SIRPB1: variants seen among roughly 807,000 people sequenced by gnomAD.
SIRPB1 encodes the protein signal-regulatory protein beta-1.
In SIRPB1, 28 loss-of-function variants were observed where a neutral mutation model predicts 34.1. That is an observed-to-expected ratio of 0.82 (90% CI 0.61 to 1.12). SIRPB1 has a LOEUF of 1.12. Ranked by LOEUF, SIRPB1 falls within the 50% of genes most tolerant of loss-of-function variation. The pLI is 0.00. For synonymous variants in SIRPB1, 211 were observed against 203.8 expected, an observed-to-expected ratio of 1.04 and a Z score of -0.30; for missense variants, 499 against 507.0, an observed-to-expected ratio of 0.98 and a Z score of 0.15.
intron 5 of SIRPB1, 147 bp downstream of exon 5, chr20:1,566,006 C>T (rs1354285773): frequency 5.1e-6 from 3 of 584,080 alleles, no homozygotes; most frequent in African/African-American, 1.9e-5. Context: ...ACAGGGTTCC[C>T]TGAGACTCCT....
chr20:1,612,434 G>A lies in SIRPB1; in HGVS notation c.76+7435C>T. 2.8e-5 allele frequency among the ~76,000 whole-genome samples: 2 copies of A among 72,200 alleles called. 1 individual carries two copies. Among genetic ancestry groups the A allele is most frequent in the East Asian group, 1.2e-3 (2 of 1,706 alleles). 47.4% of individuals were successfully genotyped at this position (72,200 alleles called of 152,430 possible). A position where few individuals can be genotyped will look rare whatever the true frequency, so the allele number is the denominator to read the frequency against. On this transcript the variant is annotated intron_variant, in intron 1 of 5. Coordinates refer to ENST00000381605, the MANE Select transcript of SIRPB1 (RefSeq NM_006065.5). ...GAGTGTTGCACTTTTTGCATCAATG[G>A]ATTGGGTGGGGCCGTGTGACTTCTT... is the stretch of plus-strand genomic sequence containing the variant.
At chr20:1,567,998 T>C (rs1184446175) in intron 4 of SIRPB1, among the ~76,000 whole-genome samples, 1 of 152,194 alleles carries the variant, frequency 6.6e-6, no homozygotes, top group Non-Finnish European at 1.5e-5. Context: ...TCAGTTTCAA[T>C]GGCTGCTATG....
chr20:1,565,783 C>T lies in SIRPB1; in HGVS notation c.*3-286G>A, dbSNP rs185973955. Among the ~76,000 whole-genome samples, 443 of 151,646 alleles carry T rather than the reference C, an allele frequency of 2.9e-3. 2 individuals carry two copies. Among genetic ancestry groups the T allele is most frequent in the Middle Eastern group, 0.01 (3 of 294 alleles). On this transcript the variant is annotated intron_variant, in intron 5 of 5. Coordinates refer to ENST00000381605, the MANE Select transcript of SIRPB1 (RefSeq NM_006065.5). ...GCCTATCTGGGAATTCTCAACACTA[C>T]GGTGGGGATTACTTTGAACCCATGG... is the stretch of plus-strand genomic sequence containing the variant.
rs942947286 is a variant in SIRPB1, at chr20:1,582,808, C to T, written c.77-4114G>A. ...AAACACACACTTGATTTTCACTTATCGCTGTCTAATATACTATTTTATTTG... is the reference window on the plus strand; with the variant it reads ...AAACACACACTTGATTTTCACTTATTGCTGTCTAATATACTATTTTATTTG... On this transcript the variant is annotated intron_variant, in intron 1 of 5. Coordinates refer to ENST00000381605, the MANE Select transcript of SIRPB1 (RefSeq NM_006065.5). Among the ~76,000 whole-genome samples, 2 of 49,082 alleles carry T rather than the reference C, an allele frequency of 4.1e-5. 1 individual carries two copies. Among genetic ancestry groups the T allele is most frequent in the Non-Finnish European group, 7.9e-5 (2 of 25,458 alleles). The allele number at this position is 49,082 out of a possible 152,430, so 32.2% of individuals were successfully genotyped here. A position where few individuals can be genotyped will look rare whatever the true frequency, so the allele number is the denominator to read the frequency against.
At chr20:1,572,990 A>C (rs1181712440) in intron 2 of SIRPB1, among the ~76,000 whole-genome samples, 1 of 147,884 alleles carries the variant, frequency 6.8e-6, no homozygotes, top group Non-Finnish European at 1.5e-5. Context: ...GTTTCCAAAA[A>C]CAACCTTTTG....
chr20:1,598,049 T>C lies in SIRPB1; in HGVS notation c.77-19355A>G. On this transcript the variant is annotated intron_variant, in intron 1 of 5. Coordinates refer to ENST00000381605, the MANE Select transcript of SIRPB1 (RefSeq NM_006065.5). ...ACAGGAGCCTGTGGGCAGGAAGATG[T>C]CCTGGGAGGGGAGGTGTTTGGAGCT... The C allele has an allele frequency of 5.4e-6, 2 of 370,456 alleles. 1 individual carries two copies. The highest frequency in any genetic ancestry group is 6.2e-6 in the Non-Finnish European group (2 of 324,580). The allele number at this position is 370,456 out of a possible 1,614,324, so 22.9% of individuals were successfully genotyped here. A position where few individuals can be genotyped will look rare whatever the true frequency, so the allele number is the denominator to read the frequency against.
intron 2 of SIRPB1, among the ~76,000 whole-genome samples, chr20:1,577,870 G>A (rs2091339409): frequency 6.8e-6 from 1 of 147,748 alleles, no homozygotes; most frequent in East Asian, 1.9e-4. Flanking sequence ...AGCGCTTTAG[G>A]CTGTTTCATT....
intron 2 of SIRPB1, among the ~76,000 whole-genome samples, chr20:1,576,582 G>C (rs1010791016): frequency 2.0e-5 from 3 of 148,116 alleles, no homozygotes; most frequent in African/African-American, 7.4e-5. Flanking sequence ...CCTGATGCTA[G>C]AGCCAGATGT....
chr20:1,603,535 T>C lies in SIRPB1; in HGVS notation c.76+16334A>G, dbSNP rs2091485379. ...TGATGAGAAACGGGAATGTAACAAC[T>C]GTCAGGGGTAAAAAGCAAGATGCAG... On this transcript the variant is annotated intron_variant, in intron 1 of 5. Coordinates refer to ENST00000381605, the MANE Select transcript of SIRPB1 (RefSeq NM_006065.5). Among the ~76,000 whole-genome samples, 2 of 48,724 alleles carry C rather than the reference T, an allele frequency of 4.1e-5. 1 individual carries two copies. The highest frequency in any genetic ancestry group is 2.7e-4 in the African/African-American group (2 of 7,326). The allele number at this position is 48,724 out of a possible 152,430, so 32.0% of individuals were successfully genotyped here. A position where few individuals can be genotyped will look rare whatever the true frequency, so the allele number is the denominator to read the frequency against.
At chr20:1,617,153 T>C (rs904688804) in intron 1 of SIRPB1, among the ~76,000 whole-genome samples, 2 of 152,152 alleles carry the variant, frequency 1.3e-5, no homozygotes, top group African/African-American at 4.8e-5. Flanking sequence ...AAATTAAAAA[T>C]AGAACTATCA....
chr20:1,618,746 G>A (rs973007515), intron 1 of SIRPB1, among the ~76,000 whole-genome samples: 1 of 152,210 alleles, frequency 6.6e-6, no homozygotes, highest in Admixed American at 6.5e-5. Flanking sequence ...CAGGTAACTT[G>A]TCTGGGAGCT....
chr20:1,573,687 T>C (rs1408568386), intron 2 of SIRPB1, among the ~76,000 whole-genome samples: 1 of 147,540 alleles, frequency 6.8e-6, no homozygotes, highest in Non-Finnish European at 1.5e-5. Flanking sequence ...TCTCTGTACC[T>C]CTCAGCACTT....
At chr20:1,615,101 G>A (rs1210847408) in intron 1 of SIRPB1, among the ~76,000 whole-genome samples, 1 of 152,082 alleles carries the variant, frequency 6.6e-6, no homozygotes, top group Non-Finnish European at 1.5e-5. Context: ...GGGTGCTTGT[G>A]GCAACATATT....
At chr20:1,578,002 GCAAGGTCCAGCCCTGTGCCTGGA>G in intron 2 of SIRPB1, 1 of 343,936 alleles carries the variant, frequency 2.9e-6, no homozygotes, top group Non-Finnish European at 5.5e-6. Flanking sequence ...GAGGCAGAAG[GCAAGGTCCAGCCCTGTGCCTGGA>G]CAAGTCACTC....
At chr20:1,568,327 G>A (rs1170258174) in intron 4 of SIRPB1, among the ~76,000 whole-genome samples, 1 of 152,166 alleles carries the variant, frequency 6.6e-6, no homozygotes, top group Non-Finnish European at 1.5e-5. Context: ...GATGCAGCAC[G>A]TCACAGAAGG....
At chr20:1,618,351 G>A (rs139693466) in intron 1 of SIRPB1, among the ~76,000 whole-genome samples, 4 of 152,152 alleles carry the variant, frequency 2.6e-5, no homozygotes, top group African/African-American at 4.8e-5. Context: ...GGAGCCGGTC[G>A]ACCTGGACTT....
chr20:1,573,112 T>G (rs2091266536), intron 2 of SIRPB1, among the ~76,000 whole-genome samples: 1 of 141,216 alleles, frequency 7.1e-6, no homozygotes, highest in African/African-American at 2.6e-5. Flanking sequence ...ATAAATGCTA[T>G]TTCCTTTGGC....
intron 2 of SIRPB1, among the ~76,000 whole-genome samples, chr20:1,576,525 T>G (rs765418993): frequency 6.8e-6 from 1 of 148,126 alleles, no homozygotes; most frequent in Non-Finnish European, 1.5e-5. Flanking sequence ...TGAGAATTAA[T>G]CTCCTTCCTC....
intron 4 of SIRPB1, among the ~76,000 whole-genome samples, chr20:1,568,124 T>C (rs2091168323): frequency 6.6e-6 from 1 of 152,198 alleles, no homozygotes; most frequent in African/African-American, 2.4e-5. Flanking sequence ...ACAATTGCAG[T>C]GGCATCGCTA....
Sources: gnomAD v4.1 joint callset for allele counts (sites outside exome capture counted in the v4.1 genomes callset) on GRCh38, gnomAD v4.1.1 for gene constraint, MANE v1.5 for transcripts, NCBI Gene and HGNC (gene_info 2026-07-23, HGNC 2026-07-21) for gene names.